GBE1: variants seen among roughly 807,000 people sequenced by gnomAD.
The protein encoded by GBE1 is 1,4-alpha-glucan branching enzyme 1.
GBE1 carries 70 observed loss-of-function variants against 88.8 expected under a neutral mutation model. The ratio of observed to expected loss-of-function variants is 0.79; its 90% CI spans 0.65 to 0.96. GBE1 has a LOEUF of 0.96. Among genes scored for constraint, GBE1 ranks in the 40% least tolerant of loss-of-function variants. The pLI is 0.00. For synonymous variants in GBE1, 284 were observed against 300.1 expected (o/e 0.95, Z 0.56); for missense variants, 872 against 871.0 (o/e 1.00, Z -0.01).
chr3:81,650,000 A>G, intron 3 of GBE1, 79 bp from the exon 4 acceptor site: 1 of 1,127,938 alleles, frequency 8.9e-7, no homozygotes, highest in Non-Finnish European at 1.3e-6. Flanking sequence ...GAGCACTGCT[A>G]CAAGTAGGAA....
chr3:81,524,498 C>T (rs755212802), intron 14 of GBE1, among the ~76,000 whole-genome samples: 1 of 151,682 alleles, frequency 6.6e-6, no homozygotes, highest in Non-Finnish European at 1.5e-5. Context: ...CTCATTTGTA[C>T]ATTTTTGCTT....
At chr3:81,643,797 C>T (rs1024387311) in intron 6 of GBE1, among the ~76,000 whole-genome samples, 1 of 152,178 alleles carries the variant, frequency 6.6e-6, no homozygotes, top group Non-Finnish European at 1.5e-5. Flanking sequence ...CAATAGCCAA[C>T]TCCACTGAGC....
At chr3:81,712,495 G>A (rs1157988894) in intron 1 of GBE1, among the ~76,000 whole-genome samples, 2 of 152,142 alleles carry the variant, frequency 1.3e-5, no homozygotes, top group African/African-American at 2.4e-5. Flanking sequence ...CGTGTCCCTT[G>A]TAGGGACATG....
At chr3:81,605,208 T>G (rs532880865) in intron 7 of GBE1, among the ~76,000 whole-genome samples, 1 of 152,168 alleles carries the variant, frequency 6.6e-6, no homozygotes, top group Non-Finnish European at 1.5e-5. Context: ...TTTGCTCCAG[T>G]TATAAATTTT....
intron 2 of GBE1, among the ~76,000 whole-genome samples, chr3:81,681,982 A>G (rs577779609): frequency 6.6e-6 from 1 of 152,380 alleles, no homozygotes; most frequent in South Asian, 2.1e-4. Context: ...CAAGAAAGTG[A>G]AAAGGCAGTC....
Position 81,642,899 on chromosome 3 carries a change from C to A in GBE1, c.874G>T (p.Ala292Ser). Reference protein sequence around the residue: ...IVLLDVVHSHASKNSADGLNM... With the variant: ...IVLLDVVHSHSSKNSADGLNM... The stretch of plus-strand genomic sequence containing the variant: ...AATCCATCTGCTGAATTTTTTGAAG[C>A]ATGGCTGTGTACCACATCTAAGAGG... The change falls in exon 7 of 16, where the codon GCT (alanine) becomes TCT (serine). Residue 292 changes from alanine to serine, a missense_variant. Transcript: ENST00000429644. The A allele has an allele frequency of 2.5e-6, 4 of 1,613,000 alleles. No individual in the cohort carries two copies. The highest frequency in any genetic ancestry group is 3.4e-6 in the Non-Finnish European group (4 of 1,179,138).
intron 12 of GBE1, among the ~76,000 whole-genome samples, chr3:81,541,455 C>CCG (rs1703142340): frequency 1.3e-5 from 2 of 150,962 alleles, no homozygotes; most frequent in Non-Finnish European, 3.0e-5. Context: ...AAGTTGCCCC[C>CCG]CCCGCCACCT....
intron 1 of GBE1, among the ~76,000 whole-genome samples, chr3:81,748,761 C>A (rs549922435): frequency 6.6e-6 from 1 of 152,088 alleles, no homozygotes; most frequent in East Asian, 1.9e-4. Context: ...GTAATTCCAA[C>A]ACTTTGGGAG....
chr3:81,493,785 C>T (rs1235700513), intron 15 of GBE1, among the ~76,000 whole-genome samples: 5 of 151,936 alleles, frequency 3.3e-5, no homozygotes, highest in Non-Finnish European at 7.4e-5. Flanking sequence ...TTCTGCCTGC[C>T]TCGGCAGGCT....
rs371891864 is a variant in GBE1 at position 81,725,195 on chromosome 3, C to T, written c.144-19582G>A. 7.2e-5 allele frequency among the ~76,000 whole-genome samples: 11 copies of T among 152,234 alleles called. No homozygotes were observed. In the East Asian group the frequency reaches 1.3e-3, roughly 19 times the overall value. ...TCAATAATAAATTAACCTTAGCTTA[C>T]AGTAACTTTTCTATTTTATAAACTT... On this transcript the variant is annotated intron_variant, in intron 1 of 15. Transcript: ENST00000429644.
intron 3 of GBE1, among the ~76,000 whole-genome samples, chr3:81,657,314 C>A (rs1704955892): frequency 6.6e-6 from 1 of 151,540 alleles, no homozygotes; most frequent in Non-Finnish European, 1.5e-5. Flanking sequence ...TTTTTCCTAC[C>A]CAATACCTGA....
At chr3:81,564,988 C>T (rs1203568448) in intron 12 of GBE1, among the ~76,000 whole-genome samples, 1 of 152,092 alleles carries the variant, frequency 6.6e-6, no homozygotes, top group Non-Finnish European at 1.5e-5. Flanking sequence ...TGTTAAAGCT[C>T]CCCAGGTAAT....
In GBE1 at chr3:81,507,070, A is replaced by G. The variant is rs1268755127; in HGVS notation, c.1935-7843T>C. 2.0e-5 allele frequency among the ~76,000 whole-genome samples: 3 copies of G among 152,112 alleles called. No homozygotes were observed. In the East Asian group the frequency reaches 5.8e-4, roughly 29 times the overall value. ...GCACTTGTACTCCTGAACTTAAAAC[A>G]TAAGTCAAAAAAAAATGAGAGTTCT... On this transcript the variant is annotated intron_variant, in intron 14 of 15. Coordinates refer to ENST00000429644, the MANE Select transcript of GBE1 (RefSeq NM_000158.4).
At chr3:81,509,593 T>C (rs1180210289) in intron 14 of GBE1, 2 of 151,914 alleles carry the variant, frequency 1.3e-5, no homozygotes, top group African/African-American at 4.8e-5. Flanking sequence ...TTCTCTGCCA[T>C]ATAGGACCTA....
At chr3:81,734,763 GA>G (rs1559702811) in intron 1 of GBE1, among the ~76,000 whole-genome samples, 1 of 151,766 alleles carries the variant, frequency 6.6e-6, no homozygotes, top group Non-Finnish European at 1.5e-5. Flanking sequence ...GGCACAGCAA[GA>G]AAAAAAAGAT....
In GBE1 at chr3:81,761,285, C is replaced by A. The variant is rs1434533942; in HGVS notation, c.143+90G>T. Reference sequence around the variant, plus strand: ...CTCCCCGCCTGGGGCGGGGTTGGCGCGCGAGGGCCGAGGGGCGGCCCGTGT... The same window carrying A: ...CTCCCCGCCTGGGGCGGGGTTGGCGAGCGAGGGCCGAGGGGCGGCCCGTGT... On this transcript the variant is annotated intron_variant, in intron 1 of 15. Coordinates refer to ENST00000429644, the MANE Select transcript of GBE1 (RefSeq NM_000158.4). 4 of 1,480,198 alleles carry A rather than the reference C, an allele frequency of 2.7e-6. No individual in the cohort carries two copies. In the East Asian group the frequency reaches 7.5e-5, roughly 28 times the overall value. The allele number at this position is 1,480,198 out of a possible 1,614,324, so 91.7% of individuals were successfully genotyped here.
At chr3:81,752,616 T>C (rs1292765422) in intron 1 of GBE1, among the ~76,000 whole-genome samples, 4 of 152,216 alleles carry the variant, frequency 2.6e-5, no homozygotes, top group Admixed American at 2.6e-4. Flanking sequence ...CAGCTTATAG[T>C]AAACTGGCAA....
chr3:81,675,576 T>G (rs1705240987), intron 2 of GBE1, among the ~76,000 whole-genome samples: 1 of 152,092 alleles, frequency 6.6e-6, no homozygotes, highest in Non-Finnish European at 1.5e-5. Context: ...TTAAAAAGTA[T>G]AAGCAACTGA....
rs1175049437 is a variant in GBE1, at chr3:81,733,543, C to A, written c.143+27832G>T. Reference sequence around the variant, plus strand: ...CTCTTGGCAAACCCCTGTGTAGAGGCTTTTGCACTGGCCATTTCTTAGGTC... The same window carrying A: ...CTCTTGGCAAACCCCTGTGTAGAGGATTTTGCACTGGCCATTTCTTAGGTC... On this transcript the variant is annotated intron_variant, in intron 1 of 15. Transcript: ENST00000429644. The surrounding 1 kb of genome is among the most constrained non-coding windows in gnomAD (Gnocchi z 4.0). 6.6e-6 allele frequency among the ~76,000 whole-genome samples: 1 copy of A among 151,798 alleles called. No individual in the cohort carries two copies. The highest frequency in any genetic ancestry group is 1.5e-5 in the Non-Finnish European group (1 of 67,934).
Sources: gnomAD v4.1 joint callset for allele counts (sites outside exome capture counted in the v4.1 genomes callset) on GRCh38, gnomAD v4.1.1 for gene constraint, Gnocchi (gnomAD v3.1) non-coding constraint, MANE v1.5 for transcripts, NCBI Gene and HGNC (gene_info 2026-07-23, HGNC 2026-07-21) for gene names.